Variants in KCNK2 observed in about 807,000 individuals in gnomAD.
KCNK2 encodes potassium two pore domain channel subfamily K member 2.
Under a neutral mutation model 40.5 loss-of-function variants are expected in KCNK2, and 21 were observed. The observed-to-expected ratio is 0.52, with a 90% confidence interval of 0.37 to 0.75. The LOEUF (loss-of-function observed/expected upper bound fraction) is 0.75. KCNK2 is among the 30% of genes least tolerant of loss of function. KCNK2 has a pLI of 0.00. For missense variants in KCNK2, 399 were observed against 531.6 expected (o/e 0.75, Z 2.45); for synonymous variants, 191 against 202.2 (o/e 0.94, Z 0.47).
At chr1:215,039,860 G>A (rs191499302) in intron 1 of KCNK2, among the ~76,000 whole-genome samples, 71 of 152,232 alleles carry the variant, frequency 4.7e-4, no homozygotes, top group African/African-American at 1.6e-3. Context: ...TTGGGACAGA[G>A]GAGGGATGAA....
upstream of KCNK2, chr1:215,081,646 C>T (rs1571890069): frequency 6.6e-6 from 1 of 152,036 alleles, no homozygotes; most frequent in Non-Finnish European, 1.5e-5. Context: ...TGGGAAAATA[C>T]TCCAATCTGG....
intron 3 of KCNK2, among the ~76,000 whole-genome samples, chr1:215,152,729 A>G (rs755435806): frequency 6.6e-6 from 1 of 152,186 alleles, no homozygotes; most frequent in African/African-American, 2.4e-5. Flanking sequence ...TGTATAGCTT[A>G]GTACTTTATG....
chr1:215,214,464 A>G (rs755846965), intron 6 of KCNK2, among the ~76,000 whole-genome samples: 1 of 152,202 alleles, frequency 6.6e-6, no homozygotes, highest in Non-Finnish European at 1.5e-5. Context: ...AAACCATATC[A>G]GCATCCATGA....
chr1:215,135,935 A>G (rs1204741914), intron 3 of KCNK2, among the ~76,000 whole-genome samples: 1 of 151,952 alleles, frequency 6.6e-6, no homozygotes, highest in African/African-American at 2.4e-5. Flanking sequence ...GGGTTTCACC[A>G]TGTTGGCCAG....
At chr1:215,100,950 C>T (rs1660181255) in intron 2 of KCNK2, among the ~76,000 whole-genome samples, 1 of 152,006 alleles carries the variant, frequency 6.6e-6, no homozygotes, top group African/African-American at 2.4e-5. Context: ...TTTGAATTCT[C>T]TTTCTGAATC....
intron 6 of KCNK2, among the ~76,000 whole-genome samples, chr1:215,214,241 G>T (rs1292777390): frequency 6.6e-6 from 1 of 152,118 alleles, no homozygotes; most frequent in Non-Finnish European, 1.5e-5. Flanking sequence ...CTAAGGAGAG[G>T]CAGGCATGAT....
chr1:215,124,719 C>A lies in KCNK2; in HGVS notation c.444C>A (p.Phe148Leu). ...QISHWDLGSS[F>L]FFAGTVITTI... ...GTCACTGGGATTTGGGAAGTTCCTTCTTCTTTGCTGGCACTGTTATTACAA... is the reference window on the plus strand; with the variant it reads ...GTCACTGGGATTTGGGAAGTTCCTTATTCTTTGCTGGCACTGTTATTACAA... Residue 148 changes from phenylalanine to leucine, a missense_variant, in exon 3 of 7, where the codon TTC becomes TTA. Coordinates refer to ENST00000444842, the MANE Select transcript of KCNK2 (RefSeq NM_001017425.3). The A allele has an allele frequency of 1.2e-6, 2 of 1,610,378 alleles. No individual in the cohort carries two copies. The highest frequency in any genetic ancestry group is 2.2e-5 in the East Asian group (1 of 44,774).
At chr1:215,095,421 T>C (rs909201351) in intron 2 of KCNK2, among the ~76,000 whole-genome samples, 1 of 152,182 alleles carries the variant, frequency 6.6e-6, no homozygotes, top group African/African-American at 2.4e-5. Context: ...TGATAAATCT[T>C]CTGTCTTGCT....
At position 215,236,828 on chromosome 1, in the gene KCNK2, A is replaced by G. The variant is rs1666918636; in HGVS notation, c.*1683A>G. ...TAGGGTCTTGAAAAATAAACCCAGAATCTTTAAAAGAAGCAAATAAACTAA... is the reference window on the plus strand; with the variant it reads ...TAGGGTCTTGAAAAATAAACCCAGAGTCTTTAAAAGAAGCAAATAAACTAA... On this transcript the variant is annotated 3_prime_UTR_variant, in exon 7 of 7. Coordinates refer to ENST00000444842, the MANE Select transcript of KCNK2 (RefSeq NM_001017425.3). 1 of 152,242 alleles carries G rather than the reference A, an allele frequency of 6.6e-6. No homozygotes were observed. Among genetic ancestry groups the G allele is most frequent in the East Asian group, 1.9e-4 (1 of 5,184 alleles). 9.4% of individuals were successfully genotyped at this position (152,242 alleles called of 1,614,324 possible). A position where few individuals can be genotyped will look rare whatever the true frequency, so the allele number is the denominator to read the frequency against.
intron 3 of KCNK2, among the ~76,000 whole-genome samples, chr1:215,153,246 C>T (rs916384691): frequency 6.6e-6 from 1 of 152,064 alleles, no homozygotes; most frequent in African/African-American, 2.4e-5. Context: ...TAAACAAAAA[C>T]GTATGTGGGG....
intron 1 of KCNK2, among the ~76,000 whole-genome samples, chr1:215,037,077 C>T (rs1428939272): frequency 7.1e-6 from 1 of 141,138 alleles, no homozygotes; most frequent in Non-Finnish European, 1.5e-5. Context: ...TGAATATTCT[C>T]ATCTTGCTCC....
intron 1 of KCNK2, among the ~76,000 whole-genome samples, chr1:215,056,491 C>A (rs1307345418): frequency 2.1e-5 from 2 of 93,676 alleles, no homozygotes; most frequent in African/African-American, 8.2e-5. Context: ...CAGAGTGAGA[C>A]TCAGTCTCAA....
chr1:215,235,263 A>G lies in KCNK2; in HGVS notation c.*118A>G, dbSNP rs1666835044. ...TGAGCTCAAAGGGGGAACAAAATAG[A>G]TACACCCATCATGGTCATCTATCAT... On this transcript the variant is annotated 3_prime_UTR_variant, in exon 7 of 7. Transcript: ENST00000444842. 3 of 772,824 alleles carry G rather than the reference A, an allele frequency of 3.9e-6. No individual in the cohort carries two copies. Among genetic ancestry groups the G allele is most frequent in the Non-Finnish European group, 6.2e-6 (3 of 487,388 alleles). 47.9% of individuals were successfully genotyped at this position (772,824 alleles called of 1,614,324 possible). A position where few individuals can be genotyped will look rare whatever the true frequency, so the allele number is the denominator to read the frequency against.
chr1:215,032,092 A>C, intron 1 of KCNK2, among the ~76,000 whole-genome samples: 1 of 151,076 alleles, frequency 6.6e-6, no homozygotes, highest in Middle Eastern at 3.4e-3. Flanking sequence ...TATCTGTTAC[A>C]TCAATTAAGG....
intron 5 of KCNK2, among the ~76,000 whole-genome samples, chr1:215,184,871 A>T (rs999176738): frequency 3.3e-5 from 5 of 152,134 alleles, no homozygotes; most frequent in African/African-American, 1.2e-4. Context: ...ATGATCTGAG[A>T]CCAAAAAAAA....
chr1:215,216,847 G>A (rs770015057), intron 6 of KCNK2, among the ~76,000 whole-genome samples: 5 of 152,124 alleles, frequency 3.3e-5, no homozygotes, highest in African/African-American at 1.2e-4. Context: ...GCACCCAGGA[G>A]CCACAATGGC....
At chr1:215,153,565 T>TAC (rs1491555020) in intron 3 of KCNK2, among the ~76,000 whole-genome samples, 4 of 13,990 alleles carry the variant, frequency 2.9e-4, no homozygotes. Flanking sequence ...ATAGCGTTGT[T>TAC]ATATATATAT....
At chr1:215,128,633 A>G (rs1169419017) in intron 3 of KCNK2, among the ~76,000 whole-genome samples, 1 of 152,202 alleles carries the variant, frequency 6.6e-6, no homozygotes, top group East Asian at 1.9e-4. Context: ...GGGAAGTTGG[A>G]TTTGAACTGT....
At chr1:215,119,893 C>T (rs540181624) in intron 2 of KCNK2, among the ~76,000 whole-genome samples, 1 of 152,140 alleles carries the variant, frequency 6.6e-6, no homozygotes, top group East Asian at 1.9e-4. Flanking sequence ...ATGACCTGAA[C>T]TGATGTTGAA....
Sources: allele counts gnomAD v4.1 joint callset (sites outside exome capture counted in the v4.1 genomes callset), GRCh38; gene constraint gnomAD v4.1.1; transcripts MANE v1.5; gene names NCBI Gene and HGNC (gene_info 2026-07-23, HGNC 2026-07-21).